CCDC85A: variants seen among roughly 807,000 people sequenced by gnomAD.
CCDC85A encodes coiled-coil domain containing 85A, also known as coiled-coil domain-containing protein 85A.
A neutral mutation model predicts 50.2 loss-of-function variants in CCDC85A; 38 were observed. That is an observed-to-expected ratio of 0.76 (90% CI 0.58 to 0.99). CCDC85A has a LOEUF of 0.99. Among genes scored for constraint, CCDC85A ranks in the 50% least tolerant of loss-of-function variants. The pLI, the probability that CCDC85A is intolerant of heterozygous loss-of-function variation, is 0.00. For synonymous variants in CCDC85A, 366 were observed against 301.4 expected (o/e 1.21, Z -2.22); for missense variants, 820 against 742.0 (o/e 1.11, Z -1.22).
At chr2:56,353,011 G>A (rs188095256) in intron 3 of CCDC85A, among the ~76,000 whole-genome samples, 2 of 152,240 alleles carry the variant, frequency 1.3e-5, no homozygotes, top group East Asian at 3.9e-4. Context: ...AAACAGGTGT[G>A]TTCTTTTTAT....
At chr2:56,187,479 G>T (rs970607697) in intron 1 of CCDC85A, among the ~76,000 whole-genome samples, 1 of 152,148 alleles carries the variant, frequency 6.6e-6, no homozygotes, top group East Asian at 1.9e-4. Flanking sequence ...GCAGTGCAGG[G>T]GCCCTGAGAA....
chr2:56,379,938 C>G (rs575008714), intron 5 of CCDC85A: 2 of 254,362 alleles, frequency 7.9e-6, no homozygotes, highest in African/African-American at 2.3e-5. Context: ...AAATGCTGAC[C>G]AAATGCCTTT....
intron 2 of CCDC85A, among the ~76,000 whole-genome samples, chr2:56,272,383 T>C (rs1178123903): frequency 2.0e-5 from 3 of 152,114 alleles, no homozygotes; most frequent in Non-Finnish European, 4.4e-5. Context: ...AAGTAGTGTG[T>C]TTTACAGAAA....
chr2:56,248,349 G>C (rs4672101), intron 2 of CCDC85A, among the ~76,000 whole-genome samples: 5 of 152,206 alleles, frequency 3.3e-5, no homozygotes, highest in Admixed American at 3.3e-4. Flanking sequence ...ATCGTAACCA[G>C]GGGCCAAGTG....
At chr2:56,336,265 C>T (rs1674069297) in intron 2 of CCDC85A, among the ~76,000 whole-genome samples, 1 of 152,152 alleles carries the variant, frequency 6.6e-6, no homozygotes, top group African/African-American at 2.4e-5. Context: ...AGCAATTCTC[C>T]TGCCTCAGCC....
chr2:56,260,350 TGACAGG>T (rs1277077162), intron 2 of CCDC85A, among the ~76,000 whole-genome samples: 1 of 152,236 alleles, frequency 6.6e-6, no homozygotes, highest in Non-Finnish European at 1.5e-5. Flanking sequence ...AAAAAGAATC[TGACAGG>T]GAACCACAAG....
intron 2 of CCDC85A, among the ~76,000 whole-genome samples, chr2:56,331,406 A>T (rs139018931): frequency 5.3e-5 from 8 of 152,336 alleles, no homozygotes; most frequent in African/African-American, 7.2e-5. Flanking sequence ...ATAAAATTAA[A>T]TTAAAAACAA....
chr2:56,206,604 C>T (rs914357421), intron 2 of CCDC85A, among the ~76,000 whole-genome samples: 6 of 152,264 alleles, frequency 3.9e-5, no homozygotes, highest in Admixed American at 3.9e-4. Flanking sequence ...AACTAACCCA[C>T]TCCCATGATA....
At chr2:56,347,175 A>G (rs947574423) in intron 3 of CCDC85A, among the ~76,000 whole-genome samples, 1 of 152,236 alleles carries the variant, frequency 6.6e-6, no homozygotes, top group African/African-American at 2.4e-5. Context: ...ATCAATTTCC[A>G]GAGCTGGATA....
intron 2 of CCDC85A, among the ~76,000 whole-genome samples, chr2:56,220,433 T>C (rs1668276507): frequency 1.3e-5 from 2 of 152,090 alleles, no homozygotes; most frequent in East Asian, 1.9e-4. Flanking sequence ...TTTATAGAAA[T>C]TCAGTAAGCT....
rs184449061 is a variant in CCDC85A at position 56,372,723 on chromosome 2, G to C, written c.1452+245G>C. On this transcript the variant is annotated intron_variant, in intron 4 of 5. Coordinates refer to ENST00000407595, the MANE Select transcript of CCDC85A (RefSeq NM_001080433.2). ...CCGCATGCAGGAGAGAAGAACAAAA[G>C]TACCCTGGACATTTCATGATAAAAG... Among the ~76,000 whole-genome samples the C allele has an allele frequency of 1.8e-3, 276 of 152,264 alleles. 1 individual carries two copies. Among genetic ancestry groups the C allele is most frequent in the Middle Eastern group, 6.8e-3 (2 of 294 alleles).
chr2:56,308,787 C>G (rs185771859), intron 2 of CCDC85A, among the ~76,000 whole-genome samples: 2 of 152,130 alleles, frequency 1.3e-5, no homozygotes, highest in Non-Finnish European at 2.9e-5. Context: ...TCTCATTGAC[C>G]GCTGCGCTGT....
intron 2 of CCDC85A, among the ~76,000 whole-genome samples, chr2:56,199,662 C>A (rs1676655234): frequency 6.6e-6 from 1 of 152,152 alleles, no homozygotes; most frequent in Non-Finnish European, 1.5e-5. Flanking sequence ...GCAGGCCTGA[C>A]TTTAACTCAT....
intron 2 of CCDC85A, among the ~76,000 whole-genome samples, chr2:56,311,915 A>T (rs1328498908): frequency 6.6e-6 from 1 of 152,084 alleles, no homozygotes; most frequent in Non-Finnish European, 1.5e-5. Flanking sequence ...AACCAGCATC[A>T]CATTTTAACA....
intron 2 of CCDC85A, among the ~76,000 whole-genome samples, chr2:56,243,613 T>G (rs1344320333): frequency 6.6e-6 from 1 of 152,236 alleles, no homozygotes; most frequent in African/African-American, 2.4e-5. Context: ...GTCACATATC[T>G]TTATCTCTCC....
intron 2 of CCDC85A, among the ~76,000 whole-genome samples, chr2:56,229,699 G>A (rs1002909488): frequency 4.6e-5 from 7 of 152,068 alleles, no homozygotes; most frequent in Admixed American, 3.9e-4. Context: ...CCATATTGAA[G>A]CATAGTCAAA....
intron 2 of CCDC85A, among the ~76,000 whole-genome samples, chr2:56,283,364 G>C (rs903771530): frequency 6.6e-6 from 1 of 152,166 alleles, no homozygotes; most frequent in Admixed American, 6.5e-5. Flanking sequence ...TTTGGTGACT[G>C]TGGTGACAAT....
At chr2:56,304,891 A>G (rs576939616) in intron 2 of CCDC85A, among the ~76,000 whole-genome samples, 72 of 150,386 alleles carry the variant, frequency 4.8e-4, no homozygotes, top group African/African-American at 1.7e-3. Context: ...TCTACTAAAT[A>G]TAACTAAAAA....
In CCDC85A at chr2:56,250,414, T is replaced by C. The variant is rs1486142194; in HGVS notation, c.1240+56974T>C. Among the ~76,000 whole-genome samples, 3 of 152,164 alleles carry C rather than the reference T, an allele frequency of 2.0e-5. No individual in the cohort carries two copies. In the East Asian group the frequency reaches 5.8e-4, roughly 29 times the overall value. ...TTAGAAAACAAAGTAAACTGTCTGCTTGAACATTGTTGAAAAAGTTATTGT... is the reference window on the plus strand; with the variant it reads ...TTAGAAAACAAAGTAAACTGTCTGCCTGAACATTGTTGAAAAAGTTATTGT... On this transcript the variant is annotated intron_variant, in intron 2 of 5. Coordinates refer to ENST00000407595, the MANE Select transcript of CCDC85A (RefSeq NM_001080433.2).
Sources: gnomAD v4.1 joint callset for allele counts (sites outside exome capture counted in the v4.1 genomes callset) on GRCh38, gnomAD v4.1.1 for gene constraint, MANE v1.5 for transcripts, NCBI Gene and HGNC (gene_info 2026-07-23, HGNC 2026-07-21) for gene names.